Variants in SLC13A1 observed in about 807,000 individuals in gnomAD.
SLC13A1 encodes solute carrier family 13 member 1, also known as Na(+)/sulfate cotransporter.
A neutral mutation model predicts 70.0 loss-of-function variants in SLC13A1; 65 were observed. The ratio of observed to expected loss-of-function variants is 0.93; its 90% CI spans 0.76 to 1.14. SLC13A1 has a LOEUF of 1.14. Ranked by LOEUF, SLC13A1 falls within the 50% of genes most tolerant of loss-of-function variation. SLC13A1 has a pLI of 0.00. For synonymous variants in SLC13A1, 275 were observed against 250.5 expected, an observed-to-expected ratio of 1.10 and a Z score of -0.92; for missense variants, 726 against 717.8, an observed-to-expected ratio of 1.01 and a Z score of -0.13.
chr7:123,121,370 A>T (rs1040315009), intron 12 of SLC13A1, among the ~76,000 whole-genome samples: 7 of 151,906 alleles, frequency 4.6e-5, no homozygotes, highest in African/African-American at 1.4e-4. Flanking sequence ...TTGGCTCTTC[A>T]TTTTGCCAGC....
chr7:123,125,728 G>C (rs1793538037), intron 10 of SLC13A1, 53 bp from the exon 11 acceptor site: 3 of 1,279,978 alleles, frequency 2.3e-6, no homozygotes, highest in East Asian at 4.6e-5. Context: ...ACTTAAATGA[G>C]CTAAAACACC....
At chr7:123,151,706 A>C (rs910453321) in intron 6 of SLC13A1, among the ~76,000 whole-genome samples, 4 of 152,164 alleles carry the variant, frequency 2.6e-5, no homozygotes, top group African/African-American at 7.2e-5. Flanking sequence ...CCAGAGCCTG[A>C]AAATGACAGA....
At chr7:123,171,717 A>G in intron 3 of SLC13A1, 51 bp downstream of exon 3, 1 of 1,587,038 alleles carries the variant, frequency 6.3e-7, no homozygotes, top group Non-Finnish European at 8.6e-7. Context: ...TGCTCTGCAC[A>G]AAAATGGTCT....
intron 2 of SLC13A1, among the ~76,000 whole-genome samples, chr7:123,174,181 A>T (rs548533809): frequency 5.3e-5 from 8 of 152,172 alleles, no homozygotes; most frequent in African/African-American, 1.9e-4. Flanking sequence ...TGGCACATAC[A>T]TGGGGGCACT....
chr7:123,199,425 G>A (rs577383164), intron 1 of SLC13A1, among the ~76,000 whole-genome samples: 1 of 152,156 alleles, frequency 6.6e-6, no homozygotes, highest in Non-Finnish European at 1.5e-5. Context: ...AAGTAAATTA[G>A]TCTGTGCTGG....
chr7:123,178,495 C>A (rs1795530813), intron 2 of SLC13A1, among the ~76,000 whole-genome samples: 1 of 152,102 alleles, frequency 6.6e-6, no homozygotes, highest in Non-Finnish European at 1.5e-5. Flanking sequence ...CATTGTTTAA[C>A]ATACATTATT....
intron 6 of SLC13A1, among the ~76,000 whole-genome samples, chr7:123,157,395 A>G (rs1377547047): frequency 6.6e-6 from 1 of 152,154 alleles, no homozygotes; most frequent in Admixed American, 6.6e-5. Flanking sequence ...ATTGTGTGTG[A>G]TGAATAAAGA....
intron 1 of SLC13A1, among the ~76,000 whole-genome samples, chr7:123,189,114 C>CAAAAAAAAA (rs34956751): frequency 1.0e-5 from 1 of 99,508 alleles, no homozygotes; most frequent in Non-Finnish European, 1.8e-5. Context: ...GACTCCGTCT[C>CAAAAAAAAA]AAAAAAAAAA....
chr7:123,164,450 T>C (rs1402126176), intron 6 of SLC13A1, among the ~76,000 whole-genome samples: 1 of 151,948 alleles, frequency 6.6e-6, no homozygotes, highest in African/African-American at 2.4e-5. Context: ...TTTTAAAATC[T>C]TTAGTTTTGT....
intron 10 of SLC13A1, 104 bp downstream of exon 10, chr7:123,128,740 GA>G (rs1793651483): frequency 1.4e-6 from 1 of 726,124 alleles, no homozygotes; most frequent in African/African-American, 1.8e-5. Context: ...TCAAGGGAAA[GA>G]AAGAAAAATA....
intron 1 of SLC13A1, among the ~76,000 whole-genome samples, chr7:123,188,356 T>G (rs1795884266): frequency 1.3e-5 from 2 of 152,128 alleles, no homozygotes; most frequent in South Asian, 4.1e-4. Context: ...TTTATAGCAC[T>G]ATGAAAATCG....
rs745574343 is a variant in SLC13A1 at position 123,147,253 on chromosome 7, T to A, written c.718A>T (p.Thr240Ser). Reference sequence around the variant, plus strand: ...GAAGAGTAGGCAATGCACAAACACGTAAGTTTACGTGTCACGTGGCCCTTC... The same window carrying A: ...GAAGAGTAGGCAATGCACAAACACGAAAGTTTACGTGTCACGTGGCCCTTC... Reference protein sequence around the residue: ...TKKGHVTRKLTCLCIAYSSTI... With the variant: ...TKKGHVTRKLSCLCIAYSSTI... The change falls in exon 7 of 15, where the codon ACG becomes TCG. Residue 240 changes from threonine (T) to serine (S), a missense_variant. Physicochemically the swap from Thr to Ser is moderately conservative, Grantham distance 58. Coordinates refer to ENST00000194130, the MANE Select transcript of SLC13A1 (RefSeq NM_022444.4). The A allele has an allele frequency of 1.9e-6, 3 of 1,613,726 alleles. No individual in the cohort carries two copies. The South Asian group carries it at 3.3e-5, about 18-fold the overall frequency.
rs908418233 is a variant in SLC13A1, at chr7:123,195,813, A to G, written c.99+4035T>C. 2.0e-4 allele frequency among the ~76,000 whole-genome samples: 30 copies of G among 152,044 alleles called. 1 individual carries two copies. The highest frequency in any genetic ancestry group is 1.9e-3 in the Admixed American group (29 of 15,238). The stretch of plus-strand genomic sequence containing the variant: ...CATCAACTAAGAAATGCTGCTCAGT[A>G]TATGTGTGGTTGTTTCCTTGTCTCC... On this transcript the variant is annotated intron_variant, in intron 1 of 14. Coordinates refer to ENST00000194130, the MANE Select transcript of SLC13A1 (RefSeq NM_022444.4).
At chr7:123,143,799 A>T (rs569837160) in intron 7 of SLC13A1, among the ~76,000 whole-genome samples, 2 of 152,266 alleles carry the variant, frequency 1.3e-5, no homozygotes, top group East Asian at 3.9e-4. Context: ...GTATTCCACC[A>T]TCTTGCTCTG....
intron 6 of SLC13A1, among the ~76,000 whole-genome samples, chr7:123,159,706 A>G (rs1247535677): frequency 6.6e-6 from 1 of 152,182 alleles, no homozygotes; most frequent in African/African-American, 2.4e-5. Context: ...AAATAACTGC[A>G]TAGGAACGCA....
At chr7:123,115,784 A>G in intron 14 of SLC13A1, 129 bp from the exon 15 acceptor site, 1 of 937,790 alleles carries the variant, frequency 1.1e-6, no homozygotes, top group Non-Finnish European at 1.6e-6. Context: ...GTCATTTTTT[A>G]AATTATACTT....
At chr7:123,181,839 G>A (rs1012890793) in intron 1 of SLC13A1, among the ~76,000 whole-genome samples, 7 of 152,152 alleles carry the variant, frequency 4.6e-5, no homozygotes, top group African/African-American at 4.8e-5. Context: ...ATCAAATGGT[G>A]CTATTTTGCT....
chr7:123,181,712 A>G (rs914566118), intron 1 of SLC13A1, among the ~76,000 whole-genome samples: 1 of 152,144 alleles, frequency 6.6e-6, no homozygotes, highest in Admixed American at 6.6e-5. Flanking sequence ...CTATAGGTTC[A>G]TGTTTTAGGG....
At chr7:123,184,640 CAT>C (rs955559855) in intron 1 of SLC13A1, among the ~76,000 whole-genome samples, 101 of 151,636 alleles carry the variant, frequency 6.7e-4, no homozygotes, top group African/African-American at 2.3e-3. Flanking sequence ...TCTCTCTCTC[CAT>C]GTGTGTGTTT....
Sources: gnomAD v4.1 joint callset for allele counts (sites outside exome capture counted in the v4.1 genomes callset) on GRCh38, gnomAD v4.1.1 for gene constraint, MANE v1.5 for transcripts, NCBI Gene and HGNC (gene_info 2026-07-23, HGNC 2026-07-21) for gene names.